FUT9: variants seen among roughly 807,000 people sequenced by gnomAD.
FUT9 encodes the protein 4-galactosyl-N-acetylglucosaminide 3-alpha-L-fucosyltransferase 9.
In FUT9, 15 loss-of-function variants were observed where a neutral mutation model predicts 29.7. That is an observed-to-expected ratio of 0.51 (90% CI 0.34 to 0.78). The LOEUF is 0.78. Among genes scored for constraint, FUT9 ranks in the 30% least tolerant of loss-of-function variants. FUT9 has a pLI of 0.01. For synonymous variants in FUT9, 169 were observed against 153.7 expected (o/e 1.10, Z -0.74); for missense variants, 319 against 425.4 (o/e 0.75, Z 2.20).
At chr6:96,140,829 A>G (rs573302197) in intron 2 of FUT9, among the ~76,000 whole-genome samples, 87 of 152,328 alleles carry the variant, frequency 5.7e-4, no homozygotes, top group African/African-American at 2.0e-3. Flanking sequence ...TACTCTCACC[A>G]CTGAGAATAT....
chr6:96,202,712 C>T (rs1387767739), intron 2 of FUT9, among the ~76,000 whole-genome samples: 1 of 152,070 alleles, frequency 6.6e-6, no homozygotes, highest in African/African-American at 2.4e-5. Context: ...ATCTGAACCA[C>T]AAAGTTATGG....
intron 1 of FUT9, among the ~76,000 whole-genome samples, chr6:96,018,798 A>G (rs1411452608): frequency 6.6e-6 from 1 of 152,084 alleles, no homozygotes; most frequent in East Asian, 1.9e-4. Flanking sequence ...AGAATGGTTA[A>G]GGAAGAGAAA....
chr6:96,169,205 C>T (rs7745505), intron 2 of FUT9, among the ~76,000 whole-genome samples: 21,539 of 152,206 alleles, frequency 0.14, 1,726 homozygotes, highest in Non-Finnish European at 0.18. Context: ...ATATTGCCTA[C>T]AGAAATTCTG....
intron 2 of FUT9, among the ~76,000 whole-genome samples, chr6:96,152,507 G>A (rs1025203571): frequency 6.6e-6 from 1 of 152,072 alleles, no homozygotes; most frequent in African/African-American, 2.4e-5. Flanking sequence ...CCTGGTACAC[G>A]GCAACTGCTC....
At chr6:96,108,997 G>A (rs1277261533) in intron 1 of FUT9, among the ~76,000 whole-genome samples, 1 of 152,046 alleles carries the variant, frequency 6.6e-6, no homozygotes, top group Non-Finnish European at 1.5e-5. Context: ...GAAAATGTAT[G>A]TTGAATTAAA....
intron 2 of FUT9, among the ~76,000 whole-genome samples, chr6:96,137,130 G>T (rs1772362573): frequency 6.6e-6 from 1 of 151,872 alleles, no homozygotes; most frequent in Admixed American, 6.6e-5. Context: ...ATATTATGAG[G>T]TGCTGTAAGG....
chr6:96,180,207 G>A (rs926762255), intron 2 of FUT9, among the ~76,000 whole-genome samples: 21 of 152,108 alleles, frequency 1.4e-4, no homozygotes, highest in African/African-American at 4.6e-4. Flanking sequence ...CTGAGTGTTT[G>A]CTATGTCCAG....
rs553808110 is a variant in FUT9, at chr6:96,059,877, T to C, written c.-98+43665T>C. On this transcript the variant is annotated intron_variant, in intron 1 of 2. Coordinates refer to ENST00000302103, the MANE Select transcript of FUT9 (RefSeq NM_006581.4). The stretch of plus-strand genomic sequence containing the variant: ...TCCTAAATTGGAGTTGCCAAAATAT[T>C]TCATGTCATGGAAGCATGGTTAGAA... 6.2e-4 allele frequency among the ~76,000 whole-genome samples: 94 copies of C among 152,272 alleles called. 1 individual carries two copies. The highest frequency in any genetic ancestry group is 2.2e-3 in the African/African-American group (91 of 41,554).
chr6:96,118,042 C>G (rs1462959319), intron 2 of FUT9, among the ~76,000 whole-genome samples: 1 of 151,832 alleles, frequency 6.6e-6, no homozygotes, highest in Non-Finnish European at 1.5e-5. Flanking sequence ...CCCATCTCTA[C>G]TGAAAATACA....
intron 1 of FUT9, among the ~76,000 whole-genome samples, chr6:96,026,084 G>C (rs948950237): frequency 3.3e-5 from 5 of 150,940 alleles, no homozygotes; most frequent in African/African-American, 1.2e-4. Flanking sequence ...TCTATCCAAG[G>C]CTGTCTGCTT....
intron 1 of FUT9, among the ~76,000 whole-genome samples, chr6:96,089,350 G>A (rs1345264857): frequency 6.6e-6 from 1 of 152,162 alleles, no homozygotes; most frequent in Non-Finnish European, 1.5e-5. Flanking sequence ...AACTCTGGCA[G>A]GCAATCAGGC....
chr6:96,127,398 C>T (rs1772153168), intron 2 of FUT9, among the ~76,000 whole-genome samples: 1 of 152,166 alleles, frequency 6.6e-6, no homozygotes, highest in African/African-American at 2.4e-5. Context: ...GCATAGTATT[C>T]CATGTTGCAT....
chr6:96,040,461 T>C (rs1770440030), intron 1 of FUT9, among the ~76,000 whole-genome samples: 1 of 151,980 alleles, frequency 6.6e-6, no homozygotes, highest in Non-Finnish European at 1.5e-5. Flanking sequence ...AAGCTGGAAG[T>C]AGAAAAGGGA....
intron 1 of FUT9, among the ~76,000 whole-genome samples, chr6:96,051,889 C>A (rs1311507640): frequency 6.6e-6 from 1 of 151,912 alleles, no homozygotes; most frequent in African/African-American, 2.4e-5. Context: ...GCATCCAGAC[C>A]CACTTGATGT....
chr6:96,193,364 C>G (rs1257980974), intron 2 of FUT9, among the ~76,000 whole-genome samples: 1 of 130,416 alleles, frequency 7.7e-6, no homozygotes, highest in Admixed American at 8.8e-5. Flanking sequence ...AAGAAAAAAA[C>G]AAACAACCCC....
intron 1 of FUT9, among the ~76,000 whole-genome samples, chr6:96,055,662 T>C (rs908758090): frequency 2.0e-5 from 3 of 151,448 alleles, no homozygotes; most frequent in Non-Finnish European, 4.4e-5. Context: ...AGACTATAGA[T>C]AATTGTTTTT....
chr6:96,101,248 A>T (rs1034688885), intron 1 of FUT9, among the ~76,000 whole-genome samples: 1 of 152,192 alleles, frequency 6.6e-6, no homozygotes, highest in Non-Finnish European at 1.5e-5. Flanking sequence ...TATTAAGAAC[A>T]TAAAAATGGG....
intron 1 of FUT9, among the ~76,000 whole-genome samples, chr6:96,076,671 G>T (rs1771146508): frequency 6.6e-6 from 1 of 152,042 alleles, no homozygotes; most frequent in African/African-American, 2.4e-5. Flanking sequence ...TTGATATATA[G>T]AAATATAAAT....
At chr6:96,124,555 T>G (rs944633498) in intron 2 of FUT9, among the ~76,000 whole-genome samples, 2 of 152,156 alleles carry the variant, frequency 1.3e-5, no homozygotes, top group East Asian at 3.8e-4. Flanking sequence ...CTCTTTAATA[T>G]AAATTGTGTT....
Sources: gnomAD v4.1 joint callset for allele counts (sites outside exome capture counted in the v4.1 genomes callset) on GRCh38, gnomAD v4.1.1 for gene constraint, MANE v1.5 for transcripts, NCBI Gene and HGNC (gene_info 2026-07-23, HGNC 2026-07-21) for gene names.